The following PCBD2 variants were observed in gnomAD, a reference collection of about 807,000 sequenced individuals.
The protein encoded by PCBD2 is pterin-4 alpha-carbinolamine dehydratase 2.
A neutral mutation model predicts 16.4 loss-of-function variants in PCBD2; 12 were observed. The observed-to-expected ratio is 0.73, with a 90% CI of 0.47 to 1.19. The LOEUF (loss-of-function observed/expected upper bound fraction) is 1.19. Ranked by LOEUF, PCBD2 falls within the 50% of genes most tolerant of loss-of-function variation. The pLI is 0.00. For missense variants in PCBD2, 138 were observed against 156.8 expected (o/e 0.88, Z 0.64); for synonymous variants, 58 against 61.8 (o/e 0.94, Z 0.29).
intron 2 of PCBD2, among the ~76,000 whole-genome samples, chr5:134,941,230 A>G (rs1171228930): frequency 6.6e-6 from 1 of 151,454 alleles, no homozygotes; most frequent in Non-Finnish European, 1.5e-5. Context: ...TATCCTTGCC[A>G]TTTCAGTTTT....
At chr5:134,937,003 T>C (rs966101480) in intron 2 of PCBD2, among the ~76,000 whole-genome samples, 1 of 152,250 alleles carries the variant, frequency 6.6e-6, no homozygotes, top group East Asian at 1.9e-4. Context: ...TTTATAGCAC[T>C]AAATAGGTAT....
In PCBD2 at chr5:134,961,775, T is replaced by C. The variant is rs1430221833; in HGVS notation, c.*1094T>C. Among the ~76,000 whole-genome samples the C allele has an allele frequency of 6.6e-6, 1 of 152,162 alleles. No homozygotes were observed. The highest frequency in any genetic ancestry group is 1.5e-5 in the Non-Finnish European group (1 of 68,028). On this transcript the variant is annotated 3_prime_UTR_variant, in exon 4 of 4. Transcript: ENST00000254908. ...TAACAATTCTTCTTTTGTTTTGTTTTGTTTGAGACGGGGTCTCGCTCTGCT... is the reference window on the plus strand; with the variant it reads ...TAACAATTCTTCTTTTGTTTTGTTTCGTTTGAGACGGGGTCTCGCTCTGCT...
In PCBD2 at chr5:134,960,676, G is replaced by C. The variant is rs532598574; in HGVS notation, c.388G>C (p.Val130Leu). The C allele has an allele frequency of 6.2e-7, 1 of 1,607,922 alleles. No homozygotes were observed. Among genetic ancestry groups the C allele is most frequent in the Admixed American group, 1.7e-5 (1 of 59,982 alleles). ...AKFIEKAAAS[V>L] ...GTTTATTGAAAAAGCAGCTGCTTCT[G>C]TGTGATTTCTTCCAAAATACATGTA... The change falls in exon 4 of 4, where the codon GTG becomes CTG. Residue 130 changes from valine to leucine, a missense_variant. Transcript: ENST00000254908.
chr5:134,906,276 G>A (rs1212078661), intron 1 of PCBD2, among the ~76,000 whole-genome samples: 2 of 136,420 alleles, frequency 1.5e-5, no homozygotes, highest in Non-Finnish European at 3.1e-5. Flanking sequence ...CGATCTCGGC[G>A]TATTGCAAGC....
At chr5:134,930,849 T>C (rs1198208942) in intron 2 of PCBD2, among the ~76,000 whole-genome samples, 1 of 152,212 alleles carries the variant, frequency 6.6e-6, no homozygotes, top group Non-Finnish European at 1.5e-5. Context: ...GACAATTCTT[T>C]AATCTCAAAT....
Position 134,961,186 on chromosome 5 carries a change from A to G in PCBD2, c.*505A>G, listed in dbSNP as rs1751471166. 6.6e-6 allele frequency: 1 copy of G among 152,472 alleles called. No individual in the cohort carries two copies. Among genetic ancestry groups the G allele is most frequent in the Admixed American group, 6.5e-5 (1 of 15,300 alleles). 9.4% of individuals were successfully genotyped at this position (152,472 alleles called of 1,614,324 possible). On this transcript the variant is annotated 3_prime_UTR_variant, in exon 4 of 4. Transcript: ENST00000254908. ...GGTAAAATCAGTGCTTAAATACGCA[A>G]TGATTTAAACTGGAACCTGAGGTAT...
chr5:134,947,074 T>G (rs1403443398), intron 2 of PCBD2, among the ~76,000 whole-genome samples: 1 of 152,146 alleles, frequency 6.6e-6, no homozygotes, highest in African/African-American at 2.4e-5. Context: ...ACTGTCATTT[T>G]GCATGCTATT....
intron 2 of PCBD2, among the ~76,000 whole-genome samples, chr5:134,922,661 A>T (rs76036047): frequency 6.6e-6 from 1 of 150,626 alleles, no homozygotes; most frequent in East Asian, 2.0e-4. Flanking sequence ...AGGAAGGAAA[A>T]TCTTTTTTTT....
intron 2 of PCBD2, among the ~76,000 whole-genome samples, chr5:134,912,074 G>A (rs1750775052): frequency 6.6e-6 from 1 of 152,288 alleles, no homozygotes; most frequent in East Asian, 1.9e-4. Context: ...CTGACCTTGC[G>A]CTCAGGGTGA....
At chr5:134,916,285 C>T (rs1204727419) in intron 2 of PCBD2, among the ~76,000 whole-genome samples, 1 of 151,504 alleles carries the variant, frequency 6.6e-6, no homozygotes, top group Non-Finnish European at 1.5e-5. Context: ...GTGAGACTAT[C>T]TCAAAAAAAA....
intron 2 of PCBD2, among the ~76,000 whole-genome samples, chr5:134,916,095 C>G (rs909450702): frequency 6.6e-6 from 1 of 152,086 alleles, no homozygotes; most frequent in African/African-American, 2.4e-5. Flanking sequence ...TTGAGGCTAG[C>G]CTGGGCAACA....
At chr5:134,905,417 A>G (rs1750673677) in intron 1 of PCBD2, 194 bp downstream of exon 1, 1 of 405,396 alleles carries the variant, frequency 2.5e-6, no homozygotes, top group East Asian at 3.9e-5. Context: ...GGGTGGCCGC[A>G]GCCTCCGCCA....
chr5:134,959,179 C>T (rs1278275071), intron 3 of PCBD2, 59 bp downstream of exon 3: 6 of 1,262,924 alleles, frequency 4.8e-6, no homozygotes, highest in Non-Finnish European at 6.8e-6. Context: ...AAACTTCTTT[C>T]TTCCTTGTCA....
chr5:134,960,141 G>A (rs755543859), intron 3 of PCBD2, among the ~76,000 whole-genome samples: 3 of 152,092 alleles, frequency 2.0e-5, no homozygotes, highest in African/African-American at 4.8e-5. Context: ...AAAGTGCTGA[G>A]ATTACAGGTG....
chr5:134,926,684 G>T, intron 2 of PCBD2: 2 of 396,908 alleles, frequency 5.0e-6, no homozygotes, highest in Middle Eastern at 6.3e-4. Flanking sequence ...TAATGATATC[G>T]GGGTTGAGGG....
In PCBD2 at chr5:134,958,745, TTTTG is replaced by T. The variant is rs1421198006; in HGVS notation, c.217-293_217-290del. Among the ~76,000 whole-genome samples the T allele has an allele frequency of 2.6e-5, 4 of 152,292 alleles. No homozygotes were observed. The East Asian group carries it at 7.7e-4, about 29-fold the overall frequency. On this transcript the variant is annotated intron_variant, in intron 2 of 3. Coordinates refer to ENST00000254908, the MANE Select transcript of PCBD2 (RefSeq NM_032151.5). ...TTGAAGGGAAATTATTCCCGTGCTA[TTTTG>T]TAGAGTCTTGTCCTGAGGACAATTA...
Position 134,960,641 on chromosome 5 carries a change from A to C in PCBD2, c.353A>C (p.Lys118Thr). ...GGTGAACTGACCAAAAAAGATGTGA[A>C]GCTGGCCAAGTTTATTGAAAAAGCA... ...DCGELTKKDV[K>T]LAKFIEKAAA... The change falls in exon 4 of 4, where the codon AAG becomes ACG. Residue 118 changes from lysine to threonine, a missense_variant. Transcript: ENST00000254908. 1 of 1,613,612 alleles carries C rather than the reference A, an allele frequency of 6.2e-7. No homozygotes were observed. The highest frequency in any genetic ancestry group is 8.5e-7 in the Non-Finnish European group (1 of 1,179,528).
chr5:134,918,225 C>T (rs1489093572), intron 2 of PCBD2, among the ~76,000 whole-genome samples: 1 of 152,184 alleles, frequency 6.6e-6, no homozygotes, highest in Non-Finnish European at 1.5e-5. Context: ...TCATTTTGTG[C>T]TGGGCATGGT....
At chr5:134,920,043 C>T (rs1750884145) in intron 2 of PCBD2, among the ~76,000 whole-genome samples, 2 of 152,190 alleles carry the variant, frequency 1.3e-5, no homozygotes, top group South Asian at 2.1e-4. Context: ...AGGAGGGATT[C>T]GGTCCAGCGG....
Sources: allele counts gnomAD v4.1 joint callset (sites outside exome capture counted in the v4.1 genomes callset), GRCh38; gene constraint gnomAD v4.1.1; transcripts MANE v1.5; gene names NCBI Gene and HGNC (gene_info 2026-07-23, HGNC 2026-07-21).